SEPTIN9: variants seen among roughly 807,000 people sequenced by gnomAD.
The protein encoded by SEPTIN9 is septin-9.
In SEPTIN9, 13 loss-of-function variants were observed where a neutral mutation model predicts 56.6. The observed-to-expected ratio is 0.23, with a 90% CI of 0.15 to 0.37. The LOEUF (loss-of-function observed/expected upper bound fraction) is 0.37, where lower values mean the gene tolerates loss of function less well. SEPTIN9 is among the 10% of genes least tolerant of loss of function. SEPTIN9 has a pLI of 1.00. For missense variants in SEPTIN9, 650 were observed against 823.1 expected, an observed-to-expected ratio of 0.79 and a Z score of 2.57; for synonymous variants, 332 against 334.1, an observed-to-expected ratio of 0.99 and a Z score of 0.07.
chr17:77,337,791 A>G (rs947964450), intron 2 of SEPTIN9, among the ~76,000 whole-genome samples: 12 of 152,322 alleles, frequency 7.9e-5, no homozygotes, highest in African/African-American at 2.2e-4. Context: ...TTACTCATTT[A>G]AAGTTGTTCG....
In SEPTIN9 at chr17:77,367,325, G is replaced by A. The variant is rs1361769421; in HGVS notation, c.77-34734G>A. Among the ~76,000 whole-genome samples the A allele has an allele frequency of 6.6e-6, 1 of 152,208 alleles. No individual in the cohort carries two copies. The highest frequency in any genetic ancestry group is 1.5e-5 in the Non-Finnish European group (1 of 68,040). On this transcript the variant is annotated intron_variant, in intron 2 of 11. Transcript: ENST00000427177. This position sits in a 1 kb window ranked among gnomAD's most constrained non-coding sequence, Gnocchi z 4.5. Reference sequence around the variant, plus strand: ...GCTTGGTGGCTGGCAGAACGCACATGAAGAATCCATGTGTGTTCTGAACGT... The same window carrying A: ...GCTTGGTGGCTGGCAGAACGCACATAAAGAATCCATGTGTGTTCTGAACGT...
At position 77,281,547 on chromosome 17, in the gene SEPTIN9, T is replaced by C. The variant is rs969173757; in HGVS notation, c.12T>C (p.Ser4=). ...GCCACGGAGGCACCATGAAGAAGTCTTACTCAGGTGGGCTTCGCGCCCGGG... is the reference window on the plus strand; with the variant it reads ...GCCACGGAGGCACCATGAAGAAGTCCTACTCAGGTGGGCTTCGCGCCCGGG... The part of the protein sequence containing the change: MKK[S]YSGGTRTSSG... Residue 4 remains serine (S), a synonymous_variant, in exon 1 of 12, where the codon TCT becomes TCC. Transcript: ENST00000427177. 8.4e-6 allele frequency: 13 copies of C among 1,547,294 alleles called. No individual in the cohort carries two copies. Among genetic ancestry groups the C allele is most frequent in the Middle Eastern group, 1.7e-4 (1 of 5,992 alleles).
intron 2 of SEPTIN9, among the ~76,000 whole-genome samples, chr17:77,361,284 A>G (rs1400922844): frequency 6.6e-6 from 1 of 152,134 alleles, no homozygotes; most frequent in Non-Finnish European, 1.5e-5. Context: ...GTCTGTGTCA[A>G]TAGGTACTGC....
chr17:77,429,546 G>T lies in SEPTIN9; in HGVS notation c.721+26843G>T, dbSNP rs1367502753. Among the ~76,000 whole-genome samples, 1 of 152,230 alleles carries T rather than the reference G, an allele frequency of 6.6e-6. No individual in the cohort carries two copies. Among genetic ancestry groups the T allele is most frequent in the East Asian group, 1.9e-4 (1 of 5,202 alleles). On this transcript the variant is annotated intron_variant, in intron 3 of 11. Transcript: ENST00000427177. This position sits in a 1 kb window ranked among gnomAD's most constrained non-coding sequence, Gnocchi z 5.2. The stretch of plus-strand genomic sequence containing the variant: ...GCGCAAGGCTGGTTCCTGTTTTCTG[G>T]GCTTTGATCGAAAGGGAACAGGGGA...
chr17:77,402,110 C>A lies in SEPTIN9; in HGVS notation c.128C>A (p.Pro43Gln), dbSNP rs780472921. The A allele has an allele frequency of 5.6e-6, 9 of 1,613,844 alleles. No homozygotes were observed. In the East Asian group the frequency reaches 1.8e-4, roughly 32 times the overall value. The change falls in exon 3 of 12, where the codon CCA (proline) becomes CAA (glutamine). Residue 43 changes from proline to glutamine, a missense_variant. Coordinates refer to ENST00000427177, the MANE Select transcript of SEPTIN9 (RefSeq NM_001113491.2). This position sits in a 1 kb window ranked among gnomAD's most constrained non-coding sequence, Gnocchi z 6.6. ...GAGGTCGAGACACCCAACTCCACCC[C>A]ACCCCGGAGGGTCCAGACTCCCCTA... ...VEEVETPNST[P>Q]PRRVQTPLLR...
intron 2 of SEPTIN9, among the ~76,000 whole-genome samples, chr17:77,316,897 CTT>C (rs2032732630): frequency 1.3e-5 from 2 of 152,014 alleles, no homozygotes; most frequent in Admixed American, 1.3e-4. Context: ...TACTTTTTCT[CTT>C]GTTTCTAAAC....
intron 1 of SEPTIN9, among the ~76,000 whole-genome samples, chr17:77,303,026 C>T (rs538901495): frequency 1.3e-5 from 2 of 152,190 alleles, no homozygotes; most frequent in South Asian, 2.1e-4. Context: ...CTTGGAACGC[C>T]GGCCCATGGT....
At chr17:77,283,891 T>C (rs1017920064) in intron 1 of SEPTIN9, among the ~76,000 whole-genome samples, 1 of 152,152 alleles carries the variant, frequency 6.6e-6, no homozygotes, top group Non-Finnish European at 1.5e-5. Context: ...GCAGAGAACT[T>C]ACATTCTCAC....
chr17:77,404,636 G>T (rs376345978), intron 3 of SEPTIN9, among the ~76,000 whole-genome samples: 4 of 152,114 alleles, frequency 2.6e-5, no homozygotes, highest in African/African-American at 9.7e-5. Context: ...TGTGGGTTTG[G>T]GGGGAGACCA....
At chr17:77,356,332 C>A (rs931009804) in intron 2 of SEPTIN9, among the ~76,000 whole-genome samples, 1 of 152,100 alleles carries the variant, frequency 6.6e-6, no homozygotes. Flanking sequence ...CCGGGCTGAG[C>A]TCCTGTGGCT....
chr17:77,403,470 A>G (rs747147), intron 3 of SEPTIN9, among the ~76,000 whole-genome samples: 63,306 of 152,176 alleles, frequency 0.42, 13,746 homozygotes, highest in African/African-American at 0.52. Context: ...CCGTGCTGAC[A>G]TGGAGCTTAC....
intron 2 of SEPTIN9, among the ~76,000 whole-genome samples, chr17:77,358,962 T>C (rs1598249289): frequency 6.6e-6 from 1 of 152,164 alleles, no homozygotes; most frequent in Admixed American, 6.5e-5. Context: ...ACCTAGTTCA[T>C]TCCTTTGGTG....
intron 1 of SEPTIN9, 182 bp downstream of exon 1, chr17:77,281,736 G>A: frequency 1.8e-6 from 1 of 562,568 alleles, no homozygotes; most frequent in Admixed American, 3.7e-5. Context: ...GACCTGAGCC[G>A]ACCGTCCCCT....
At chr17:77,391,238 G>T (rs924673795) in intron 2 of SEPTIN9, among the ~76,000 whole-genome samples, 2 of 152,222 alleles carry the variant, frequency 1.3e-5, no homozygotes, top group African/African-American at 4.8e-5. Context: ...AATGGCTGGA[G>T]TGGCCACAGC....
chr17:77,495,932 G>A (rs1367635478), intron 10 of SEPTIN9, among the ~76,000 whole-genome samples: 3 of 152,216 alleles, frequency 2.0e-5, no homozygotes, highest in Non-Finnish European at 4.4e-5. Context: ...AGGTGTATGG[G>A]TTCTGCATCC....
At chr17:77,320,081 G>A (rs780358804) in intron 2 of SEPTIN9, 28 of 1,420,620 alleles carry the variant, frequency 2.0e-5, no homozygotes, top group South Asian at 1.9e-4. Context: ...TTTTCCTCCC[G>A]TTTTGAAGAG....
At chr17:77,314,764 G>T (rs934111970) in intron 2 of SEPTIN9, among the ~76,000 whole-genome samples, 1 of 152,222 alleles carries the variant, frequency 6.6e-6, no homozygotes, top group African/African-American at 2.4e-5. Flanking sequence ...CACCTGGACC[G>T]CCTGCTCCCT....
At chr17:77,495,016 T>C (rs2143444516) in intron 10 of SEPTIN9, among the ~76,000 whole-genome samples, 1 of 152,356 alleles carries the variant, frequency 6.6e-6, no homozygotes, top group Non-Finnish European at 1.5e-5. Flanking sequence ...CAAAGAGTTC[T>C]TGCTGTTTAG....
At position 77,326,622 on chromosome 17, in the gene SEPTIN9, C is replaced by G. The variant is rs2033151145; in HGVS notation, c.76+19425C>G. ...TGACTGTCATGTTGTGAAATATACA[C>G]TTGGTTTTCATCTCCATTTCCTGGC... On this transcript the variant is annotated intron_variant, in intron 2 of 11. Transcript: ENST00000427177. The surrounding 1 kb of genome is among the most constrained non-coding windows in gnomAD (Gnocchi z 5.1). Among the ~76,000 whole-genome samples, 1 of 152,216 alleles carries G rather than the reference C, an allele frequency of 6.6e-6. No individual in the cohort carries two copies. The highest frequency in any genetic ancestry group is 1.5e-5 in the Non-Finnish European group (1 of 68,042).
Sources: gnomAD v4.1 joint callset for allele counts (sites outside exome capture counted in the v4.1 genomes callset) on GRCh38, gnomAD v4.1.1 for gene constraint, Gnocchi (gnomAD v3.1) non-coding constraint, MANE v1.5 for transcripts, NCBI Gene and HGNC (gene_info 2026-07-23, HGNC 2026-07-21) for gene names.